The following DKK2 variants were observed in gnomAD, a reference collection of about 807,000 sequenced individuals.
The protein encoded by DKK2 is dickkopf Wnt signaling pathway inhibitor 2, also known as dickkopf-related protein 2.
DKK2 carries 11 observed loss-of-function variants against 28.1 expected under a neutral mutation model. That is an observed-to-expected ratio of 0.39 (90% CI 0.25 to 0.65). DKK2 has a LOEUF of 0.65. Ranked by LOEUF, DKK2 falls within the 30% of genes least tolerant of loss-of-function variation. DKK2 has a pLI of 0.47. For synonymous variants in DKK2, 135 were observed against 126.5 expected, an observed-to-expected ratio of 1.07 and a Z score of -0.45; for missense variants, 326 against 335.5, an observed-to-expected ratio of 0.97 and a Z score of 0.22.
rs770718095 is a variant in DKK2 at position 106,925,891 on chromosome 4, T to A, written c.281A>T (p.His94Leu). 6.2e-7 allele frequency: 1 copy of A among 1,613,636 alleles called. No individual in the cohort carries two copies. The highest frequency in any genetic ancestry group is 1.7e-5 in the Admixed American group (1 of 59,936). ...CEVGRYCHSP[H>L]QGSSACMVCR... ...CACCATGCAGGCCGATGATCCTTGG[T>A]GGGGACTGTGGCAATACCTCCCAAC... Residue 94 changes from histidine (H) to leucine (L), a missense_variant, in exon 2 of 4, where the codon CAC becomes CTC. Transcript: ENST00000285311.
At chr4:106,948,868 T>C (rs1282183552) in intron 1 of DKK2, among the ~76,000 whole-genome samples, 15 of 152,300 alleles carry the variant, frequency 9.8e-5, no homozygotes, top group Non-Finnish European at 5.9e-5. Context: ...GATAGGGCTT[T>C]ATACATGTTA....
intron 1 of DKK2, among the ~76,000 whole-genome samples, chr4:106,994,238 C>CAAAAGCCGAGCCTTCAGAGCTTGCG (rs1723241415): frequency 6.6e-6 from 1 of 152,186 alleles, no homozygotes; most frequent in African/African-American, 2.4e-5. Context: ...CTCTTGAAGA[C>CAAAAGCCGAGCCTTCAGAGCTTGCG]AAAAGCCGAG....
intron 1 of DKK2, among the ~76,000 whole-genome samples, chr4:106,941,369 G>C (rs1405391843): frequency 6.6e-6 from 1 of 152,112 alleles, no homozygotes; most frequent in Non-Finnish European, 1.5e-5. Context: ...GAACAAGATT[G>C]CTTGTCCATT....
intron 1 of DKK2, among the ~76,000 whole-genome samples, chr4:106,954,680 C>T (rs1351807569): frequency 6.6e-6 from 1 of 152,024 alleles, no homozygotes; most frequent in Non-Finnish European, 1.5e-5. Context: ...TGCCACCACG[C>T]CTGGCTATTT....
chr4:107,026,930 A>G (rs1191836378), intron 1 of DKK2, among the ~76,000 whole-genome samples: 4 of 152,204 alleles, frequency 2.6e-5, no homozygotes, highest in African/African-American at 7.2e-5. Flanking sequence ...TAAAGAAGAG[A>G]AAGTGGAACA....
At chr4:106,999,045 G>A (rs1203117896) in intron 1 of DKK2, among the ~76,000 whole-genome samples, 1 of 152,142 alleles carries the variant, frequency 6.6e-6, no homozygotes, top group Non-Finnish European at 1.5e-5. Flanking sequence ...ATAAAAGGGG[G>A]ATTGGCTTCA....
chr4:106,991,970 A>G (rs1368581264), intron 1 of DKK2, among the ~76,000 whole-genome samples: 1 of 152,130 alleles, frequency 6.6e-6, no homozygotes, highest in Non-Finnish European at 1.5e-5. Flanking sequence ...CTTCCATTTT[A>G]ACATTAAACT....
At chr4:106,960,672 C>T (rs541767122) in intron 1 of DKK2, among the ~76,000 whole-genome samples, 3 of 152,238 alleles carry the variant, frequency 2.0e-5, no homozygotes, top group South Asian at 4.1e-4. Context: ...AGCTCTAAGA[C>T]ACACTGCCTG....
intron 1 of DKK2, among the ~76,000 whole-genome samples, chr4:106,964,915 GGAGA>G (rs142890361): frequency 6.7e-6 from 1 of 150,150 alleles, no homozygotes; most frequent in East Asian, 2.0e-4. Flanking sequence ...ATGATAGATA[GGAGA>G]GAGAGAGAGA....
chr4:107,008,119 C>A (rs1024503089), intron 1 of DKK2, among the ~76,000 whole-genome samples: 1 of 152,120 alleles, frequency 6.6e-6, no homozygotes, highest in Admixed American at 6.5e-5. Context: ...CTGATCACCA[C>A]CATTAAAACC....
At chr4:106,931,381 A>G (rs1724502319) in intron 1 of DKK2, among the ~76,000 whole-genome samples, 1 of 152,146 alleles carries the variant, frequency 6.6e-6, no homozygotes, top group Admixed American at 6.6e-5. Context: ...CTACTAGGTC[A>G]GTGACAATAC....
At chr4:106,995,708 G>C (rs1043540586) in intron 1 of DKK2, among the ~76,000 whole-genome samples, 4 of 152,180 alleles carry the variant, frequency 2.6e-5, no homozygotes, top group Admixed American at 1.3e-4. Context: ...CGCCTCCTGG[G>C]TTCAAGCGAT....
At chr4:106,971,197 G>A (rs1667682743) in intron 1 of DKK2, among the ~76,000 whole-genome samples, 1 of 152,024 alleles carries the variant, frequency 6.6e-6, no homozygotes, top group African/African-American at 2.4e-5. Context: ...GGATCCATGA[G>A]TCAAGATAAA....
At position 106,964,960 on chromosome 4, in the gene DKK2, T is replaced by TATAGATAGATAGATATAG. The variant is rs1553922188; in HGVS notation, c.223-39012_223-39011insCTATATCTATCTATCTAT. 2.3e-3 allele frequency among the ~76,000 whole-genome samples: 340 copies of TATAGATAGATAGATATAG among 146,406 alleles called. 1 individual carries two copies. Among genetic ancestry groups the TATAGATAGATAGATATAG allele is most frequent in the Non-Finnish European group, 4.0e-3 (269 of 66,596 alleles). On this transcript the variant is annotated intron_variant, in intron 1 of 3. Transcript: ENST00000285311. ...GATAGATTAGATATAGATAGATAGA[T>TATAGATAGATAGATATAG]ATAGATAGATAGATAGATAGATAGA...
intron 1 of DKK2, among the ~76,000 whole-genome samples, chr4:107,001,699 A>G (rs1277282581): frequency 6.6e-6 from 1 of 152,186 alleles, no homozygotes; most frequent in African/African-American, 2.4e-5. Context: ...ACCATGGATT[A>G]CCATGTTTCA....
intron 1 of DKK2, among the ~76,000 whole-genome samples, chr4:106,976,853 G>C (rs1433449733): frequency 6.6e-6 from 1 of 152,110 alleles, no homozygotes; most frequent in African/African-American, 2.4e-5. Context: ...TTACAATTTG[G>C]TATGTTTTTG....
intron 1 of DKK2, among the ~76,000 whole-genome samples, chr4:107,019,261 G>A (rs1380654498): frequency 3.9e-5 from 6 of 151,912 alleles, no homozygotes; most frequent in African/African-American, 1.5e-4. Context: ...CTCACTTAAC[G>A]AGGCAACACT....
At position 107,000,919 on chromosome 4, in the gene DKK2, C is replaced by T. The variant is rs186961030; in HGVS notation, c.222+34451G>A. Among the ~76,000 whole-genome samples the T allele has an allele frequency of 1.2e-4, 18 of 152,240 alleles. No individual in the cohort carries two copies. The South Asian group carries it at 3.1e-3, about 26-fold the overall frequency. On this transcript the variant is annotated intron_variant, in intron 1 of 3. Transcript: ENST00000285311. ...ATCATCAACTTCAAAATTACTCAAA[C>T]TGTACTAACCGTAACAGGTTCTAAG...
At chr4:106,960,071 A>C (rs994503675) in intron 1 of DKK2, among the ~76,000 whole-genome samples, 1 of 151,326 alleles carries the variant, frequency 6.6e-6, no homozygotes, top group African/African-American at 2.4e-5. Flanking sequence ...AAAGATAAGG[A>C]ATCAACCTAA....
Sources: allele counts gnomAD v4.1 joint callset (sites outside exome capture counted in the v4.1 genomes callset), GRCh38; gene constraint gnomAD v4.1.1; transcripts MANE v1.5; gene names NCBI Gene and HGNC (gene_info 2026-07-23, HGNC 2026-07-21).